Variants in DNAH9 observed in about 807,000 individuals in gnomAD.
DNAH9 encodes dynein axonemal heavy chain 9, also known as DNAH9 variant protein.
Under a neutral mutation model 471.6 loss-of-function variants are expected in DNAH9, and 345 were observed. The ratio of observed to expected loss-of-function variants is 0.73; its 90% CI spans 0.67 to 0.80. The LOEUF is 0.80. Among genes scored for constraint, DNAH9 ranks in the 30% least tolerant of loss-of-function variants. The pLI is 0.00. For missense variants in DNAH9, 5,407 were observed against 5,609.2 expected, an observed-to-expected ratio of 0.96 and a Z score of 1.15; for synonymous variants, 2,093 against 2,123.6, an observed-to-expected ratio of 0.99 and a Z score of 0.40.
intron 17 of DNAH9, among the ~76,000 whole-genome samples, chr17:11,679,250 G>A (rs1248438405): frequency 6.6e-6 from 1 of 152,156 alleles, no homozygotes; most frequent in Non-Finnish European, 1.5e-5. Flanking sequence ...TCTTTCTCCT[G>A]GAATTCTCCA....
At chr17:11,620,333 C>T (rs748252102) in intron 6 of DNAH9, among the ~76,000 whole-genome samples, 1 of 151,242 alleles carries the variant, frequency 6.6e-6, no homozygotes, top group African/African-American at 2.4e-5. Context: ...GTCAACATGG[C>T]GAAATCCTGT....
chr17:11,704,944 A>G (rs1005002598), intron 25 of DNAH9, 81 bp from the exon 26 acceptor site: 1 of 1,186,120 alleles, frequency 8.4e-7, no homozygotes, highest in Non-Finnish European at 1.2e-6. Context: ...CAGCCAAGGC[A>G]TCAGACCCCT....
chr17:11,837,933 A>G (rs1339087448), intron 49 of DNAH9, among the ~76,000 whole-genome samples: 2 of 152,088 alleles, frequency 1.3e-5, no homozygotes, highest in Admixed American at 1.3e-4. Flanking sequence ...AACTATCTCC[A>G]TGGTTCCCCA....
chr17:11,756,065 A>G (rs1967371020), intron 33 of DNAH9, among the ~76,000 whole-genome samples: 1 of 152,132 alleles, frequency 6.6e-6, no homozygotes, highest in Non-Finnish European at 1.5e-5. Flanking sequence ...TCACGAGGTC[A>G]GGAGATCAAG....
intron 43 of DNAH9, among the ~76,000 whole-genome samples, chr17:11,802,367 C>A: frequency 6.6e-6 from 1 of 152,126 alleles, no homozygotes. Context: ...GTGGCTCACA[C>A]CTGTAATCCC....
intron 19 of DNAH9, 132 bp from the exon 20 acceptor site, chr17:11,689,433 GT>G: frequency 1.3e-6 from 1 of 744,070 alleles, no homozygotes; most frequent in Non-Finnish European, 2.2e-6. Flanking sequence ...TGAAAAGAAT[GT>G]TTTTGGTGAA....
At chr17:11,740,498 G>A (rs1469525634) in intron 29 of DNAH9, among the ~76,000 whole-genome samples, 4 of 152,170 alleles carry the variant, frequency 2.6e-5, no homozygotes, top group African/African-American at 4.8e-5. Flanking sequence ...TCTCTGGGTA[G>A]CGCTCCACCC....
chr17:11,828,662 A>G (rs900932341), intron 48 of DNAH9, among the ~76,000 whole-genome samples: 2 of 152,026 alleles, frequency 1.3e-5, no homozygotes, highest in African/African-American at 4.8e-5. Context: ...CTAGAGTCCA[A>G]CAGTACTCTT....
chr17:11,821,900 T>C lies in DNAH9; in HGVS notation c.8708-20T>C. On this transcript the variant is annotated intron_variant, in intron 45 of 68. Transcript: ENST00000262442. ...TAACGAGATGCCAAGGCTGCCTATC[T>C]GTGCTCCATTTTTTCCCAGGGGAGA... 1 of 1,603,178 alleles carries C rather than the reference T, an allele frequency of 6.2e-7. No individual in the cohort carries two copies. Among genetic ancestry groups the C allele is most frequent in the African/African-American group, 1.3e-5 (1 of 74,400 alleles).
chr17:11,743,124 T>A (rs2075456668), intron 30 of DNAH9, among the ~76,000 whole-genome samples: 1 of 152,150 alleles, frequency 6.6e-6, no homozygotes, highest in Non-Finnish European at 1.5e-5. Flanking sequence ...TGTCTAAAGC[T>A]GATCTCCGTC....
At chr17:11,968,087 G>A (rs2151459041) in intron 68 of DNAH9, among the ~76,000 whole-genome samples, 1 of 152,158 alleles carries the variant, frequency 6.6e-6, no homozygotes, top group Non-Finnish European at 1.5e-5. Flanking sequence ...TTTCTTTTTG[G>A]GGAGATGCAA....
chr17:11,797,841 A>C (rs1969301899), intron 43 of DNAH9, 48 bp downstream of exon 43: 1 of 1,567,596 alleles, frequency 6.4e-7, no homozygotes, highest in African/African-American at 1.4e-5. Context: ...TCCTCTTCCC[A>C]ATGACAGGGG....
At chr17:11,923,161 C>T (rs1304826809) in intron 61 of DNAH9, among the ~76,000 whole-genome samples, 2 of 152,100 alleles carry the variant, frequency 1.3e-5, no homozygotes, top group South Asian at 2.1e-4. Flanking sequence ...CTGCAACCTC[C>T]GCCTCCTGGG....
chr17:11,609,687 G>A (rs1017643044), intron 2 of DNAH9, among the ~76,000 whole-genome samples: 1 of 152,098 alleles, frequency 6.6e-6, no homozygotes, highest in African/African-American at 2.4e-5. Context: ...TGAAAATAAT[G>A]ACCAAAATGT....
Position 11,704,171 on chromosome 17 carries a change from A to AC in DNAH9, c.5152-31dup, listed in dbSNP as rs765498441. On this transcript the variant is annotated intron_variant, in intron 24 of 68. Coordinates refer to ENST00000262442, the MANE Select transcript of DNAH9 (RefSeq NM_001372.4). ...GGGTTGGTTGGAAACAGCCATGATA[A>AC]CAGCTTTACTAGGCAACTCTTGCTG... 1.1e-5 allele frequency: 18 copies of AC among 1,612,522 alleles called. No homozygotes were observed. The African/African-American group carries it at 2.0e-4, about 18-fold the overall frequency.
chr17:11,608,709 A>C (rs773340313), intron 2 of DNAH9, among the ~76,000 whole-genome samples: 5 of 152,216 alleles, frequency 3.3e-5, no homozygotes, highest in Non-Finnish European at 7.3e-5. Context: ...TACTCAGTAC[A>C]TAATGTCACA....
intron 15 of DNAH9, among the ~76,000 whole-genome samples, chr17:11,667,649 G>C (rs1017114956): frequency 6.6e-6 from 1 of 152,198 alleles, no homozygotes; most frequent in Non-Finnish European, 1.5e-5. Context: ...CTTATGGGCA[G>C]GTTCCTTCTG....
In DNAH9 at chr17:11,952,309, CTTTTTTTTTTTT is replaced by C. The variant is rs753276964; in HGVS notation, c.12844-9541_12844-9530del. ...CATGCACCATTACACCCAGCTAATT[CTTTTTTTTTTTT>C]TTTTTTTTTTTTTTTTGGTAGATAC... On this transcript the variant is annotated intron_variant, in intron 67 of 68. Coordinates refer to ENST00000262442, the MANE Select transcript of DNAH9 (RefSeq NM_001372.4). 1.1e-4 allele frequency among the ~76,000 whole-genome samples: 8 copies of C among 71,086 alleles called. No individual in the cohort carries two copies. The East Asian group carries it at 1.2e-3, about 11-fold the overall frequency. The allele number at this position is 71,086 out of a possible 152,430, so 46.6% of individuals were successfully genotyped here.
intron 50 of DNAH9, among the ~76,000 whole-genome samples, chr17:11,859,541 T>C (rs1189863052): frequency 1.3e-5 from 2 of 152,220 alleles, no homozygotes; most frequent in African/African-American, 4.8e-5. Flanking sequence ...TGTTAGTCTA[T>C]TCTTGCATTA....
Sources: gnomAD v4.1 joint callset for allele counts (sites outside exome capture counted in the v4.1 genomes callset) on GRCh38, gnomAD v4.1.1 for gene constraint, MANE v1.5 for transcripts, NCBI Gene and HGNC (gene_info 2026-07-23, HGNC 2026-07-21) for gene names.